ASIC2: variants seen among roughly 807,000 people sequenced by gnomAD.
ASIC2 encodes acid-sensing ion channel 2.
A neutral mutation model predicts 57.3 loss-of-function variants in ASIC2; 25 were observed. The observed-to-expected ratio is 0.44, with a 90% CI of 0.32 to 0.61. The LOEUF is 0.61. Among genes scored for constraint, ASIC2 ranks in the 20% least tolerant of loss-of-function variants. The pLI, the probability that ASIC2 is intolerant of heterozygous loss-of-function variation, is 0.06. For synonymous variants in ASIC2, 319 were observed against 307.5 expected (o/e 1.04, Z -0.39); for missense variants, 641 against 738.1 (o/e 0.87, Z 1.52).
At chr17:33,738,488 G>A (rs1909995522) in intron 1 of ASIC2, among the ~76,000 whole-genome samples, 1 of 152,130 alleles carries the variant, frequency 6.6e-6, no homozygotes, top group Non-Finnish European at 1.5e-5. Context: ...CTTACCCTCA[G>A]GTGGGATAAT....
chr17:33,882,556 A>G lies in ASIC2; in HGVS notation c.555+273422T>C, dbSNP rs572854211. ...CAGAGAAATGCAAATCAAAACCCCA[A>G]TGAGATACCATCTCACACCAGTTAG... On this transcript the variant is annotated intron_variant, in intron 1 of 9. Coordinates refer to the ASIC2 transcript ENST00000359872. Among the ~76,000 whole-genome samples the G allele has an allele frequency of 5.7e-4, 87 of 152,356 alleles. No individual in the cohort carries two copies. In the East Asian group the frequency reaches 0.016, roughly 28 times the overall value.
chr17:33,594,872 C>T (rs1904935582), intron 1 of ASIC2, among the ~76,000 whole-genome samples: 1 of 150,918 alleles, frequency 6.6e-6, no homozygotes, highest in African/African-American at 2.4e-5. Flanking sequence ...TGAGTAAGCT[C>T]AGGCCTAGAG....
chr17:33,430,923 G>T (rs1048202409), intron 1 of ASIC2, among the ~76,000 whole-genome samples: 1 of 152,086 alleles, frequency 6.6e-6, no homozygotes, highest in Non-Finnish European at 1.5e-5. Flanking sequence ...AAAGCACACT[G>T]GGTAATGAGG....
At chr17:33,922,379 T>C (rs1915726183) in intron 1 of ASIC2, among the ~76,000 whole-genome samples, 1 of 149,954 alleles carries the variant, frequency 6.7e-6, no homozygotes, top group African/African-American at 2.4e-5. Context: ...GACCTCTCAC[T>C]GGTTTCAGAC....
chr17:33,114,165 C>T (rs1185200859), intron 1 of ASIC2, among the ~76,000 whole-genome samples: 1 of 152,202 alleles, frequency 6.6e-6, no homozygotes, highest in African/African-American at 2.4e-5. Flanking sequence ...ACAGCCAATT[C>T]CTATTCTTTC....
intron 1 of ASIC2, among the ~76,000 whole-genome samples, chr17:33,479,092 G>A (rs375412294): frequency 5.9e-5 from 9 of 151,562 alleles, no homozygotes; most frequent in South Asian, 2.1e-4. Context: ...TCTGCCTCCC[G>A]GGTTCAAGCG....
chr17:33,617,207 AG>A (rs1473862014), intron 1 of ASIC2, among the ~76,000 whole-genome samples: 1 of 152,240 alleles, frequency 6.6e-6, no homozygotes, highest in African/African-American at 2.4e-5. Context: ...AAAGACACAT[AG>A]ACACATATGT....
chr17:33,734,964 T>A (rs1909865444), intron 1 of ASIC2, among the ~76,000 whole-genome samples: 1 of 152,214 alleles, frequency 6.6e-6, no homozygotes, highest in Non-Finnish European at 1.5e-5. Context: ...CCACACTGAC[T>A]TTCTTGCTAT....
chr17:33,627,863 C>A, intron 1 of ASIC2, among the ~76,000 whole-genome samples: 1 of 152,104 alleles, frequency 6.6e-6, no homozygotes, highest in East Asian at 1.9e-4. Context: ...AGTTCTCAGG[C>A]TGTCTCCAGC....
At chr17:33,647,744 A>C (rs561703410) in intron 1 of ASIC2, among the ~76,000 whole-genome samples, 16 of 152,332 alleles carry the variant, frequency 1.1e-4, no homozygotes, top group South Asian at 6.2e-4. Flanking sequence ...AGCCAAAGAT[A>C]ATTGTCATTG....
chr17:33,667,106 C>T (rs1182315175), intron 1 of ASIC2, among the ~76,000 whole-genome samples: 1 of 152,108 alleles, frequency 6.6e-6, no homozygotes, highest in African/African-American at 2.4e-5. Flanking sequence ...GGTGAGATGG[C>T]GTGAGTCACT....
chr17:33,469,142 G>C (rs940872809), intron 1 of ASIC2, among the ~76,000 whole-genome samples: 13 of 152,216 alleles, frequency 8.5e-5, no homozygotes, highest in African/African-American at 3.1e-4. Flanking sequence ...ATGGTGGAAG[G>C]AAGCGCTTGG....
intron 1 of ASIC2, among the ~76,000 whole-genome samples, chr17:34,127,869 T>C (rs1448943324): frequency 6.6e-6 from 1 of 152,190 alleles, no homozygotes; most frequent in Non-Finnish European, 1.5e-5. Context: ...AGAGCCAACC[T>C]GGCTTTCTCT....
At chr17:33,692,028 T>C (rs377208516) in intron 1 of ASIC2, among the ~76,000 whole-genome samples, 6 of 152,302 alleles carry the variant, frequency 3.9e-5, no homozygotes, top group East Asian at 1.9e-4. Flanking sequence ...CTGTCCAGCA[T>C]GTTACTGTAC....
intron 1 of ASIC2, among the ~76,000 whole-genome samples, chr17:33,269,751 TTTCCTTCCTTCCTTCCTTCC>T (rs139151089): frequency 6.8e-5 from 7 of 102,966 alleles, no homozygotes; most frequent in Non-Finnish European, 1.4e-4. Flanking sequence ...TCCTTCCTTC[TTTCCTTCCTTCCTTCCTTCC>T]TTCTTTCCTT....
intron 1 of ASIC2, among the ~76,000 whole-genome samples, chr17:33,579,397 T>G (rs1028182660): frequency 1.3e-5 from 2 of 151,894 alleles, no homozygotes; most frequent in Non-Finnish European, 2.9e-5. Context: ...GCCTCATTAT[T>G]CTGGAGGGGA....
chr17:33,320,091 A>G (rs1906810703), intron 1 of ASIC2, among the ~76,000 whole-genome samples: 1 of 152,136 alleles, frequency 6.6e-6, no homozygotes, highest in Admixed American at 6.5e-5. Context: ...AGCAGGAGTT[A>G]ATAGAAGCCA....
intron 1 of ASIC2, among the ~76,000 whole-genome samples, chr17:33,262,751 A>G (rs1909331189): frequency 6.6e-6 from 1 of 152,142 alleles, no homozygotes; most frequent in African/African-American, 2.4e-5. Context: ...TAACGCAAAT[A>G]AACATGTAAT....
chr17:34,034,396 A>G (rs1013547397), intron 1 of ASIC2, among the ~76,000 whole-genome samples: 22 of 152,102 alleles, frequency 1.4e-4, no homozygotes, highest in African/African-American at 5.1e-4. Flanking sequence ...CAAACCCACA[A>G]CCAATATCAT....
Sources: gnomAD v4.1 joint callset for allele counts (sites outside exome capture counted in the v4.1 genomes callset) on GRCh38, gnomAD v4.1.1 for gene constraint, MANE v1.5 for transcripts, NCBI Gene and HGNC (gene_info 2026-07-23, HGNC 2026-07-21) for gene names.